The following GPC5 variants were observed in gnomAD, a reference collection of about 807,000 sequenced individuals.
The protein encoded by GPC5 is glypican-5.
A neutral mutation model predicts 53.9 loss-of-function variants in GPC5; 47 were observed. The observed-to-expected ratio is 0.87, with a 90% CI of 0.69 to 1.11. The LOEUF (loss-of-function observed/expected upper bound fraction) is 1.11. GPC5 is among the 50% of genes most tolerant of loss of function. The probability of loss-of-function intolerance (pLI) is 0.00; values close to 1 mark genes in which losing one functional copy is unlikely to be tolerated. For missense variants in GPC5, 748 were observed against 713.1 expected, an observed-to-expected ratio of 1.05 and a Z score of -0.56; for synonymous variants, 286 against 263.3, an observed-to-expected ratio of 1.09 and a Z score of -0.84.
intron 7 of GPC5, among the ~76,000 whole-genome samples, chr13:92,488,028 C>T (rs77935331): frequency 6.6e-6 from 1 of 151,832 alleles, no homozygotes; most frequent in African/African-American, 2.4e-5. Flanking sequence ...AAACTGTATA[C>T]TTATAATATT....
intron 6 of GPC5, among the ~76,000 whole-genome samples, chr13:91,952,941 A>C (rs1289755599): frequency 6.6e-6 from 1 of 152,172 alleles, no homozygotes; most frequent in Admixed American, 6.6e-5. Flanking sequence ...TAGAGGATAA[A>C]TTGGATCAGT....
chr13:91,961,477 C>T (rs1332836410), intron 6 of GPC5, among the ~76,000 whole-genome samples: 1 of 151,914 alleles, frequency 6.6e-6, no homozygotes, highest in Non-Finnish European at 1.5e-5. Flanking sequence ...CATACACTGG[C>T]ATTAAGAGTG....
At chr13:92,825,796 C>T (rs1877826667) in intron 7 of GPC5, among the ~76,000 whole-genome samples, 3 of 151,940 alleles carry the variant, frequency 2.0e-5, no homozygotes, top group African/African-American at 7.3e-5. Flanking sequence ...TACATGTATT[C>T]TGATTATATA....
intron 7 of GPC5, among the ~76,000 whole-genome samples, chr13:92,233,298 G>A (rs1243985450): frequency 2.6e-5 from 4 of 152,188 alleles, no homozygotes; most frequent in Non-Finnish European, 5.9e-5. Context: ...CAATTAAAAG[G>A]TTTTGCCATT....
intron 7 of GPC5, among the ~76,000 whole-genome samples, chr13:92,478,235 T>G (rs1879224268): frequency 6.6e-6 from 1 of 152,220 alleles, no homozygotes; most frequent in African/African-American, 2.4e-5. Flanking sequence ...TGTGGGAAAT[T>G]CATTCCTTAA....
At chr13:92,813,505 T>G (rs945550616) in intron 7 of GPC5, among the ~76,000 whole-genome samples, 1 of 152,020 alleles carries the variant, frequency 6.6e-6, no homozygotes, top group African/African-American at 2.4e-5. Flanking sequence ...AGTTCCAAAC[T>G]AATTTTATGC....
At chr13:91,728,462 A>C in intron 3 of GPC5, 70 bp from the exon 4 acceptor site, 1 of 1,495,332 alleles carries the variant, frequency 6.7e-7, no homozygotes, top group Non-Finnish European at 9.1e-7. Flanking sequence ...TTTGGGCCCT[A>C]TGAAACATCA....
intron 7 of GPC5, among the ~76,000 whole-genome samples, chr13:92,280,178 AATT>A (rs767214047): frequency 6.6e-6 from 1 of 152,108 alleles, no homozygotes; most frequent in Non-Finnish European, 1.5e-5. Flanking sequence ...GTTGTCATAT[AATT>A]ATTCTCTTGC....
chr13:92,847,324 T>A (rs1407301482), intron 7 of GPC5, among the ~76,000 whole-genome samples: 1 of 152,160 alleles, frequency 6.6e-6, no homozygotes, highest in African/African-American at 2.4e-5. Flanking sequence ...TCCCTGGGAA[T>A]AGGTGAGCCA....
chr13:92,105,968 TTA>T (rs1465081536), intron 6 of GPC5, among the ~76,000 whole-genome samples: 1 of 151,974 alleles, frequency 6.6e-6, no homozygotes, highest in East Asian at 1.9e-4. Context: ...AATACAGTAT[TTA>T]TGTTTTCTTT....
At chr13:91,874,925 G>A (rs7320766) in intron 5 of GPC5, among the ~76,000 whole-genome samples, 10,392 of 152,134 alleles carry the variant, frequency 0.068, 572 homozygotes, top group East Asian at 0.22. Flanking sequence ...AATAACAAAG[G>A]ATGAATTGAG....
At chr13:91,458,014 G>A (rs1881675463) in intron 2 of GPC5, among the ~76,000 whole-genome samples, 1 of 152,090 alleles carries the variant, frequency 6.6e-6, no homozygotes, top group Admixed American at 6.6e-5. Context: ...TGTATTAAAT[G>A]TTTAGAAAAA....
chr13:91,870,978 C>A (rs925787275), intron 5 of GPC5, among the ~76,000 whole-genome samples: 1 of 152,122 alleles, frequency 6.6e-6, no homozygotes, highest in African/African-American at 2.4e-5. Flanking sequence ...GGATGGGACC[C>A]AAGTCTTAAC....
At chr13:91,720,012 G>A (rs1403629557) in intron 3 of GPC5, among the ~76,000 whole-genome samples, 2 of 152,074 alleles carry the variant, frequency 1.3e-5, no homozygotes, top group African/African-American at 4.8e-5. Context: ...GGAAAATGTT[G>A]TCTCACTTGT....
At chr13:91,411,530 A>G (rs1416932226) in intron 1 of GPC5, among the ~76,000 whole-genome samples, 1 of 152,178 alleles carries the variant, frequency 6.6e-6, no homozygotes, top group Non-Finnish European at 1.5e-5. Context: ...AGGACTGGGC[A>G]AGTGGAGTGG....
chr13:92,751,777 T>A (rs1594479302), intron 7 of GPC5, among the ~76,000 whole-genome samples: 1 of 152,142 alleles, frequency 6.6e-6, no homozygotes, highest in East Asian at 1.9e-4. Flanking sequence ...ACTTCAATAC[T>A]TAGCGTATGA....
intron 5 of GPC5, among the ~76,000 whole-genome samples, chr13:91,833,368 G>A (rs1399986994): frequency 4.6e-5 from 7 of 152,098 alleles, no homozygotes; most frequent in Non-Finnish European, 1.0e-4. Flanking sequence ...AATAGAAAGA[G>A]GGAATCCTCC....
intron 6 of GPC5, among the ~76,000 whole-genome samples, chr13:92,138,150 G>T (rs1274732431): frequency 6.6e-6 from 1 of 152,058 alleles, no homozygotes; most frequent in Non-Finnish European, 1.5e-5. Flanking sequence ...TCATGTATGT[G>T]GTAAAAATGA....
intron 7 of GPC5, among the ~76,000 whole-genome samples, chr13:92,539,181 A>G (rs1208427635): frequency 6.6e-6 from 1 of 151,378 alleles, no homozygotes; most frequent in Non-Finnish European, 1.5e-5. Context: ...CTTTGGGTAT[A>G]TACTCAGTAA....
Sources: gnomAD v4.1 joint callset for allele counts (sites outside exome capture counted in the v4.1 genomes callset) on GRCh38, gnomAD v4.1.1 for gene constraint, MANE v1.5 for transcripts, NCBI Gene and HGNC (gene_info 2026-07-23, HGNC 2026-07-21) for gene names.